Variants in RNF217 observed in about 807,000 individuals in gnomAD.
The protein encoded by RNF217 is E3 ubiquitin-protein ligase RNF217.
In RNF217, 31 loss-of-function variants were observed where a neutral mutation model predicts 57.8. The observed-to-expected ratio is 0.54, with a 90% confidence interval of 0.40 to 0.72. The LOEUF is 0.72. Ranked by LOEUF, RNF217 falls within the 30% of genes least tolerant of loss-of-function variation. The pLI is 0.00. For missense variants in RNF217, 696 were observed against 708.3 expected, an observed-to-expected ratio of 0.98 and a Z score of 0.20; for synonymous variants, 313 against 294.0, an observed-to-expected ratio of 1.06 and a Z score of -0.66.
chr6:124,980,559 T>G (rs1295676363), intron 1 of RNF217, among the ~76,000 whole-genome samples: 2 of 152,230 alleles, frequency 1.3e-5, no homozygotes, highest in Non-Finnish European at 2.9e-5. Flanking sequence ...TTCCTTCTAA[T>G]TCTTTTTTTA....
chr6:125,059,699 G>A (rs1337937580), intron 3 of RNF217, among the ~76,000 whole-genome samples: 2 of 152,136 alleles, frequency 1.3e-5, no homozygotes, highest in Admixed American at 1.3e-4. Context: ...GGACTATAAT[G>A]TAAAGGAAGA....
intron 1 of RNF217, among the ~76,000 whole-genome samples, chr6:124,981,282 T>C (rs1463462666): frequency 6.6e-6 from 1 of 152,230 alleles, no homozygotes; most frequent in African/African-American, 2.4e-5. Flanking sequence ...GAACACAAAA[T>C]ATCTGAGACG....
In RNF217 at chr6:125,088,986, G is replaced by C. The variant is rs988790276; in HGVS notation, c.*6049G>C. 2.6e-5 allele frequency: 4 copies of C among 152,484 alleles called. No individual in the cohort carries two copies. The highest frequency in any genetic ancestry group is 9.7e-5 in the African/African-American group (4 of 41,418). The allele number at this position is 152,484 out of a possible 1,614,324, so 9.4% of individuals were successfully genotyped here. A position where few individuals can be genotyped will look rare whatever the true frequency, so the allele number is the denominator to read the frequency against. ...CTTGGCCAAGTGTGGGATAAATTCTGTCTCGCCCGTAACTCCTTTCACTGT... is the reference window on the plus strand; with the variant it reads ...CTTGGCCAAGTGTGGGATAAATTCTCTCTCGCCCGTAACTCCTTTCACTGT... On this transcript the variant is annotated 3_prime_UTR_variant, in exon 6 of 6. Coordinates refer to ENST00000521654, the MANE Select transcript of RNF217 (RefSeq NM_001286398.3).
chr6:125,084,856 G>T lies in RNF217; in HGVS notation c.*1919G>T, dbSNP rs1421867061. On this transcript the variant is annotated 3_prime_UTR_variant, in exon 6 of 6. Coordinates refer to ENST00000521654, the MANE Select transcript of RNF217 (RefSeq NM_001286398.3). The stretch of plus-strand genomic sequence containing the variant: ...TCCATTTAACAGATATTTATTGAGT[G>T]CCTATCTTAGGTGTAATAGTATTTA... The T allele has an allele frequency of 6.6e-6, 1 of 151,842 alleles. No individual in the cohort carries two copies. Among genetic ancestry groups the T allele is most frequent in the Non-Finnish European group, 1.5e-5 (1 of 67,846 alleles). 9.4% of individuals were successfully genotyped at this position (151,842 alleles called of 1,614,324 possible).
chr6:124,962,535 G>A lies in RNF217; in HGVS notation c.-10G>A. The A allele has an allele frequency of 2.6e-6, 3 of 1,175,906 alleles. No individual in the cohort carries two copies. The highest frequency in any genetic ancestry group is 3.2e-6 in the Non-Finnish European group (3 of 951,344). The allele number at this position is 1,175,906 out of a possible 1,614,324, so 72.8% of individuals were successfully genotyped here. A position where few individuals can be genotyped will look rare whatever the true frequency, so the allele number is the denominator to read the frequency against. ...TGGATGGGCAGCGGCGGCGCGGGCC[G>A]CGGGCGGCGATGGGCGAGGAGCAGA... On this transcript the variant is annotated 5_prime_UTR_variant, in exon 1 of 6. Coordinates refer to ENST00000521654, the MANE Select transcript of RNF217 (RefSeq NM_001286398.3). This position sits in a 1 kb window ranked among gnomAD's most constrained non-coding sequence, Gnocchi z 4.6.
At chr6:125,044,804 A>AT (rs1231881629) in intron 1 of RNF217, among the ~76,000 whole-genome samples, 1 of 152,100 alleles carries the variant, frequency 6.6e-6, no homozygotes, top group Non-Finnish European at 1.5e-5. Flanking sequence ...ATGTTGAAAA[A>AT]TGTGAAACAC....
In RNF217 at chr6:125,082,990, G is replaced by A; in HGVS notation, c.*53G>A. On this transcript the variant is annotated 3_prime_UTR_variant, in exon 6 of 6. Coordinates refer to ENST00000521654, the MANE Select transcript of RNF217 (RefSeq NM_001286398.3). Reference sequence around the variant, plus strand: ...TGGTTGGAGTAGGAGCGATACCAAAGGGTACACCCATCTGTGAGTCACATC... The same window carrying A: ...TGGTTGGAGTAGGAGCGATACCAAAAGGTACACCCATCTGTGAGTCACATC... 8.1e-7 allele frequency: 1 copy of A among 1,232,456 alleles called. No individual in the cohort carries two copies. The highest frequency in any genetic ancestry group is 1.5e-5 in the African/African-American group (1 of 64,840). The allele number at this position is 1,232,456 out of a possible 1,614,324, so 76.3% of individuals were successfully genotyped here.
At position 125,087,868 on chromosome 6, in the gene RNF217, A is replaced by G. The variant is rs1788814880; in HGVS notation, c.*4931A>G. ...TGCAATTTCATAATTCATGAATTCTATAAAAGAAATCTCCCTCACTAAAAA... is the reference window on the plus strand; with the variant it reads ...TGCAATTTCATAATTCATGAATTCTGTAAAAGAAATCTCCCTCACTAAAAA... On this transcript the variant is annotated 3_prime_UTR_variant, in exon 6 of 6. Transcript: ENST00000521654. The G allele has an allele frequency of 6.6e-6, 1 of 152,096 alleles. No individual in the cohort carries two copies. The highest frequency in any genetic ancestry group is 2.4e-5 in the African/African-American group (1 of 41,436). 9.4% of individuals were successfully genotyped at this position (152,096 alleles called of 1,614,324 possible).
chr6:125,009,194 T>G, intron 1 of RNF217: 1 of 1,576,128 alleles, frequency 6.3e-7, no homozygotes, highest in South Asian at 1.2e-5. Flanking sequence ...AGCACTTGAG[T>G]AAAGATAAAG....
chr6:125,047,739 G>A (rs1334445683), intron 2 of RNF217, among the ~76,000 whole-genome samples: 1 of 151,742 alleles, frequency 6.6e-6, no homozygotes, highest in Non-Finnish European at 1.5e-5. Flanking sequence ...CTTTTGATTA[G>A]TAGAGGAAAA....
chr6:124,987,032 C>T (rs1005138826), intron 1 of RNF217, among the ~76,000 whole-genome samples: 4 of 152,074 alleles, frequency 2.6e-5, no homozygotes, highest in East Asian at 1.9e-4. Context: ...CAGGTTTTGC[C>T]GAATATAGAT....
chr6:125,070,063 C>T (rs147853324), intron 3 of RNF217, among the ~76,000 whole-genome samples: 4 of 152,236 alleles, frequency 2.6e-5, no homozygotes, highest in South Asian at 2.1e-4. Flanking sequence ...ACCTTTGCAT[C>T]CCCATAGCTT....
intron 3 of RNF217, among the ~76,000 whole-genome samples, chr6:125,065,606 A>G (rs979405421): frequency 1.7e-4 from 26 of 152,180 alleles, no homozygotes; most frequent in Admixed American, 1.2e-3. Flanking sequence ...TCTGCAAAGG[A>G]TGAAATCCAG....
chr6:125,041,355 C>A (rs1005150561), intron 1 of RNF217, among the ~76,000 whole-genome samples: 10 of 152,068 alleles, frequency 6.6e-5, no homozygotes, highest in African/African-American at 2.4e-4. Flanking sequence ...CCAACCTTCA[C>A]TTTTATTCCT....
chr6:125,065,290 CA>C (rs1192938088), intron 3 of RNF217, among the ~76,000 whole-genome samples: 881 of 63,738 alleles, frequency 0.014, 3 homozygotes, highest in South Asian at 0.022. Flanking sequence ...GACTCTGTCT[CA>C]AAAAAAAAAA....
At chr6:125,020,371 G>A (rs1036550241) in intron 1 of RNF217, among the ~76,000 whole-genome samples, 8 of 152,184 alleles carry the variant, frequency 5.3e-5, no homozygotes, top group Non-Finnish European at 1.2e-4. Flanking sequence ...GTTATTAAAA[G>A]GGTAGAGAAT....
At position 125,087,065 on chromosome 6, in the gene RNF217, C is replaced by T. The variant is rs1338668646; in HGVS notation, c.*4128C>T. On this transcript the variant is annotated 3_prime_UTR_variant, in exon 6 of 6. Transcript: ENST00000521654. ...CTTCACTGAAGGAGAAGAGGAGAGA[C>T]AGGAGGGGCCTAAAAACTCACTCTG... 6.6e-6 allele frequency: 1 copy of T among 152,060 alleles called. No individual in the cohort carries two copies. The highest frequency in any genetic ancestry group is 1.5e-5 in the Non-Finnish European group (1 of 68,010). 9.4% of individuals were successfully genotyped at this position (152,060 alleles called of 1,614,324 possible).
intron 1 of RNF217, among the ~76,000 whole-genome samples, chr6:125,003,003 G>T (rs1244428762): frequency 6.6e-6 from 1 of 152,068 alleles, no homozygotes; most frequent in Admixed American, 6.6e-5. Context: ...TAAAAAATTG[G>T]CTGCATATTA....
At chr6:124,998,012 C>T (rs1784815653) in intron 1 of RNF217, among the ~76,000 whole-genome samples, 1 of 152,114 alleles carries the variant, frequency 6.6e-6, no homozygotes, top group Non-Finnish European at 1.5e-5. Flanking sequence ...GAGCAAGGGG[C>T]ATCTCCTAAT....
Sources: gnomAD v4.1 joint callset for allele counts (sites outside exome capture counted in the v4.1 genomes callset) on GRCh38, gnomAD v4.1.1 for gene constraint, Gnocchi (gnomAD v3.1) non-coding constraint, MANE v1.5 for transcripts, NCBI Gene and HGNC (gene_info 2026-07-23, HGNC 2026-07-21) for gene names.